The following SAMD12 variants were observed in gnomAD, a reference collection of about 807,000 sequenced individuals.
SAMD12 encodes the protein sterile alpha motif domain-containing protein 12.
Under a neutral mutation model 15.0 loss-of-function variants are expected in SAMD12, and 9 were observed. The ratio of observed to expected loss-of-function variants is 0.60; its 90% CI spans 0.36 to 1.05. The LOEUF is 1.05. SAMD12 is among the 50% of genes least tolerant of loss of function. SAMD12 has a pLI of 0.01. For missense variants in SAMD12, 230 were observed against 234.2 expected (o/e 0.98, Z 0.12); for synonymous variants, 86 against 90.1 (o/e 0.96, Z 0.25).
At chr8:118,323,213 A>C (rs1031116844) in intron 4 of SAMD12, among the ~76,000 whole-genome samples, 2 of 152,188 alleles carry the variant, frequency 1.3e-5, no homozygotes, top group African/African-American at 4.8e-5. Context: ...CTAAGCCATT[A>C]ACTTTTTGGA....
At chr8:118,587,380 A>C (rs1827479921) in intron 1 of SAMD12, among the ~76,000 whole-genome samples, 1 of 152,266 alleles carries the variant, frequency 6.6e-6, no homozygotes, top group African/African-American at 2.4e-5. Context: ...CATCACAAAA[A>C]GTCTGTAACT....
chr8:118,526,863 A>G (rs1244160590), intron 2 of SAMD12, among the ~76,000 whole-genome samples: 3 of 152,226 alleles, frequency 2.0e-5, no homozygotes, highest in African/African-American at 7.2e-5. Flanking sequence ...CTGCAGGGCT[A>G]AAAGGAAAAC....
At chr8:118,585,147 AC>A (rs1827405802) in intron 1 of SAMD12, among the ~76,000 whole-genome samples, 1 of 152,346 alleles carries the variant, frequency 6.6e-6, no homozygotes, top group Admixed American at 6.5e-5. Context: ...CCATACTACA[AC>A]ATGCATGAAC....
intron 4 of SAMD12, among the ~76,000 whole-genome samples, chr8:118,354,177 T>A (rs75690968): frequency 3.9e-5 from 6 of 152,182 alleles, no homozygotes; most frequent in Non-Finnish European, 7.3e-5. Flanking sequence ...AACTTGTACA[T>A]TGCAAATGAT....
At chr8:118,183,403 G>T in the SAMD12 span, among the ~76,000 whole-genome samples, 1 of 152,196 alleles carries the variant, frequency 6.6e-6, no homozygotes, top group African/African-American at 2.4e-5. Context: ...TACATTTTTT[G>T]AAAAGAGCAT....
At chr8:118,611,921 C>G (rs1157359554) in intron 1 of SAMD12, among the ~76,000 whole-genome samples, 1 of 152,190 alleles carries the variant, frequency 6.6e-6, no homozygotes, top group Non-Finnish European at 1.5e-5. Context: ...CAATATGTGG[C>G]TGAGTAAAAT....
intron 2 of SAMD12, among the ~76,000 whole-genome samples, chr8:118,567,577 G>A (rs1020687527): frequency 7.2e-5 from 11 of 152,192 alleles, no homozygotes; most frequent in Non-Finnish European, 1.2e-4. Flanking sequence ...AAGGGACAAA[G>A]AGGCACTGAA....
chr8:118,554,671 T>C (rs915992041), intron 2 of SAMD12, among the ~76,000 whole-genome samples: 1 of 151,322 alleles, frequency 6.6e-6, no homozygotes, highest in Non-Finnish European at 1.5e-5. Flanking sequence ...AAACTTAAAG[T>C]ATAATAATAA....
At chr8:118,248,408 G>A (rs1433381702) in intron 4 of SAMD12, among the ~76,000 whole-genome samples, 1 of 152,096 alleles carries the variant, frequency 6.6e-6, no homozygotes, top group Admixed American at 6.6e-5. Flanking sequence ...CAAAAGGATT[G>A]TTAGTCCAGC....
intron 4 of SAMD12, among the ~76,000 whole-genome samples, chr8:118,317,738 T>C (rs1815993541): frequency 6.6e-6 from 1 of 152,162 alleles, no homozygotes; most frequent in Non-Finnish European, 1.5e-5. Flanking sequence ...ACAATTAATA[T>C]AGGTGTACTT....
At chr8:118,588,739 C>T (rs1827509872) in intron 1 of SAMD12, among the ~76,000 whole-genome samples, 2 of 152,116 alleles carry the variant, frequency 1.3e-5, no homozygotes, top group South Asian at 4.1e-4. Context: ...GACCTGATAA[C>T]CCCAGCCTCC....
chr8:118,414,602 T>C (rs1821589390), intron 3 of SAMD12, among the ~76,000 whole-genome samples: 1 of 152,204 alleles, frequency 6.6e-6, no homozygotes, highest in African/African-American at 2.4e-5. Flanking sequence ...ATCATTGTAA[T>C]AGACTTGTGA....
the SAMD12 span, among the ~76,000 whole-genome samples, chr8:118,151,920 T>G: frequency 2.1e-4 from 32 of 151,156 alleles, no homozygotes; most frequent in Middle Eastern, 6.9e-3. Flanking sequence ...TGCTGGGATA[T>G]CCAAGTGGAG....
the SAMD12 span, among the ~76,000 whole-genome samples, chr8:118,159,917 A>G: frequency 1.5e-4 from 23 of 152,138 alleles, no homozygotes; most frequent in African/African-American, 5.1e-4. Flanking sequence ...ACAGGGTTTC[A>G]CTATGTTGGC....
chr8:118,534,071 T>C (rs928575289), intron 2 of SAMD12, among the ~76,000 whole-genome samples: 1 of 152,242 alleles, frequency 6.6e-6, no homozygotes, highest in Non-Finnish European at 1.5e-5. Flanking sequence ...GTTTTTGCAG[T>C]GGCTGGTACT....
At chr8:118,365,163 C>T (rs1277823283) in intron 4 of SAMD12, among the ~76,000 whole-genome samples, 2 of 152,190 alleles carry the variant, frequency 1.3e-5, no homozygotes, top group Non-Finnish European at 2.9e-5. Flanking sequence ...GCCATCTTCC[C>T]TCCCTTCTGA....
chr8:118,316,209 C>G (rs1467705039), intron 4 of SAMD12, among the ~76,000 whole-genome samples: 1 of 151,974 alleles, frequency 6.6e-6, no homozygotes, highest in African/African-American at 2.4e-5. Context: ...GTTCCATTAT[C>G]TTGACCCTCA....
chr8:118,188,777 T>C (rs1212177189), downstream of SAMD12, among the ~76,000 whole-genome samples: 1 of 152,032 alleles, frequency 6.6e-6, no homozygotes. Context: ...TCAGGGGATT[T>C]TTTTTTTAAG....
intron 1 of SAMD12, among the ~76,000 whole-genome samples, chr8:118,606,704 A>G (rs532231287): frequency 6.6e-6 from 1 of 152,308 alleles, no homozygotes; most frequent in African/African-American, 2.4e-5. Flanking sequence ...TCAGCCAAGG[A>G]GAATCACTCT....
Sources: gnomAD v4.1 joint callset for allele counts (sites outside exome capture counted in the v4.1 genomes callset) on GRCh38, gnomAD v4.1.1 for gene constraint, MANE v1.5 for transcripts, NCBI Gene and HGNC (gene_info 2026-07-23, HGNC 2026-07-21) for gene names.